PCDH11Y: variants seen among roughly 807,000 people sequenced by gnomAD.
The protein encoded by PCDH11Y is protocadherin 11 Y-linked.
For synonymous variants in PCDH11Y, 9 were observed against 83.6 expected (o/e 0.11, Z 4.87); for missense variants, 12 against 224.8 (o/e 0.05, Z 6.05).
intron 2 of PCDH11Y, among the ~76,000 whole-genome samples, chrY:5,134,041 G>A: frequency 3.1e-5 from 1 of 32,245 alleles, no homozygotes; most frequent in Non-Finnish European, 7.6e-5. Flanking sequence ...TCTTTCATCA[G>A]TGTTTTATAG....
intron 2 of PCDH11Y, among the ~76,000 whole-genome samples, chrY:5,240,313 C>T (rs2124655391): frequency 3.0e-5 from 1 of 33,251 alleles, no homozygotes; most frequent in East Asian, 8.1e-4. Context: ...CAAAGTCATC[C>T]ATGAGTGGGG....
chrY:5,077,924 T>G, intron 1 of PCDH11Y, among the ~76,000 whole-genome samples: 1 of 31,122 alleles, frequency 3.2e-5, no homozygotes, highest in African/African-American at 1.3e-4. Flanking sequence ...GATGTGCAGT[T>G]CATTACATAG....
At chrY:5,554,666 T>C (rs1602942578) in intron 3 of PCDH11Y, among the ~76,000 whole-genome samples, 1 of 33,959 alleles carries the variant, frequency 2.9e-5, no homozygotes, top group East Asian at 8.0e-4. Context: ...GGTTGGGCCA[T>C]GGCTTCAGAG....
At chrY:5,197,588 A>C in intron 2 of PCDH11Y, among the ~76,000 whole-genome samples, 1 of 31,488 alleles carries the variant, frequency 3.2e-5, no homozygotes, top group Non-Finnish European at 7.6e-5. Context: ...CCAAATGTCC[A>C]ACAATGATAG....
chrY:5,381,932 TTAAC>T (rs2053205650), intron 2 of PCDH11Y, among the ~76,000 whole-genome samples: 2 of 33,607 alleles, frequency 6.0e-5, no homozygotes, highest in Admixed American at 5.4e-4. Context: ...TGAATACACT[TTAAC>T]TAAGGCAGGA....
intron 4 of PCDH11Y, among the ~76,000 whole-genome samples, chrY:5,660,277 C>T: frequency 3.1e-5 from 1 of 31,997 alleles, no homozygotes; most frequent in Non-Finnish European, 7.6e-5. Context: ...TGGTGTCTTC[C>T]TAGGTCACGT....
intron 2 of PCDH11Y, among the ~76,000 whole-genome samples, chrY:5,329,544 C>G (rs2053127233): frequency 6.1e-5 from 2 of 32,734 alleles, no homozygotes; most frequent in Admixed American, 2.8e-4. Flanking sequence ...GGGTGAAGGA[C>G]CAAGTCAGGC....
intron 3 of PCDH11Y, among the ~76,000 whole-genome samples, chrY:5,046,059 G>A: frequency 3.0e-5 from 1 of 33,492 alleles, no homozygotes; most frequent in African/African-American, 1.1e-4. Context: ...TGGTTTGAAT[G>A]TCCTCCCGTA....
At chrY:5,363,849 C>CTTT (rs747636752) in intron 2 of PCDH11Y, among the ~76,000 whole-genome samples, 2 of 15,201 alleles carry the variant, frequency 1.3e-4, no homozygotes, top group African/African-American at 5.2e-4. Context: ...TTCTTTCTTT[C>CTTT]TTTTTTTTTT....
At chrY:5,323,198 T>C (rs2053115046) in intron 2 of PCDH11Y, among the ~76,000 whole-genome samples, 1 of 22,199 alleles carries the variant, frequency 4.5e-5, no homozygotes, top group Non-Finnish European at 1.1e-4. Context: ...TTTTTTTTTT[T>C]TTTTTTTTTT....
At position 5,232,176 on chromosome Y, in the gene PCDH11Y, C is replaced by T. The variant is rs2124653896; in HGVS notation, c.3129+131469C>T. ...CTGTGGCCTGATATTGCTGAAATCC[C>T]ACAGCTTTTGGTTGTGCTGGTACCT... On this transcript the variant is annotated intron_variant, in intron 2 of 4. Coordinates refer to the PCDH11Y transcript ENST00000400457. Among the ~76,000 whole-genome samples the T allele has an allele frequency of 3.3e-4, 11 of 32,872 alleles. No homozygotes were observed. The South Asian group carries it at 3.5e-3, about 10-fold the overall frequency. The allele number at this position is 32,872 out of a possible 37,273, so 88.2% of individuals were successfully genotyped here.
chrY:5,684,014 A>C, intron 4 of PCDH11Y, among the ~76,000 whole-genome samples: 1 of 33,160 alleles, frequency 3.0e-5, no homozygotes, highest in Non-Finnish European at 7.5e-5. Flanking sequence ...CAATAAACAA[A>C]GGGAAGAGAC....
downstream of PCDH11Y, chrY:5,104,304 A>G: frequency 2.5e-6 from 1 of 394,367 alleles, no homozygotes; most frequent in Non-Finnish European, 3.6e-6. Context: ...CTAGAACACA[A>G]CCATCTGATT....
intron 2 of PCDH11Y, among the ~76,000 whole-genome samples, chrY:5,381,433 G>A: frequency 3.0e-5 from 1 of 33,096 alleles, no homozygotes; most frequent in Non-Finnish European, 7.4e-5. Flanking sequence ...CACATCAAAC[G>A]CACTCCATAT....
intron 2 of PCDH11Y, among the ~76,000 whole-genome samples, chrY:5,170,785 G>A (rs2124645541): frequency 1.3e-4 from 4 of 30,917 alleles, no homozygotes; most frequent in Non-Finnish European, 3.2e-4. Context: ...TGATGCGAAG[G>A]GCATACAAAA....
chrY:5,503,112 A>G (rs1414036811), intron 3 of PCDH11Y, among the ~76,000 whole-genome samples: 1 of 33,201 alleles, frequency 3.0e-5, no homozygotes, highest in Non-Finnish European at 7.5e-5. Flanking sequence ...AGTTAAGGAT[A>G]TAAGTGCTAG....
chrY:5,663,227 C>T (rs2124707466), intron 4 of PCDH11Y, among the ~76,000 whole-genome samples: 3 of 29,367 alleles, frequency 1.0e-4, no homozygotes, highest in Admixed American at 9.7e-4. Context: ...AAACCATATA[C>T]TTCAGACATT....
chrY:5,676,829 C>T (rs2124709075), intron 4 of PCDH11Y, among the ~76,000 whole-genome samples: 1 of 31,284 alleles, frequency 3.2e-5, no homozygotes, highest in African/African-American at 1.3e-4. Flanking sequence ...TTCCTGTCTA[C>T]TTCTGAGCCC....
chrY:5,730,546 A>G (rs2053603339), intron 4 of PCDH11Y, among the ~76,000 whole-genome samples: 1 of 33,012 alleles, frequency 3.0e-5, no homozygotes, highest in African/African-American at 1.2e-4. Flanking sequence ...CCTACTGGCC[A>G]TGAATCGACA....
Sources: gnomAD v4.1 joint callset for allele counts (sites outside exome capture counted in the v4.1 genomes callset) on GRCh38, gnomAD v4.1.1 for gene constraint, MANE v1.5 for transcripts, NCBI Gene and HGNC (gene_info 2026-07-23, HGNC 2026-07-21) for gene names.